ATG13: variants seen among roughly 807,000 people sequenced by gnomAD.
ATG13 encodes the protein autophagy-related protein 13.
In ATG13, 23 loss-of-function variants were observed where a neutral mutation model predicts 65.5. The ratio of observed to expected loss-of-function variants is 0.35; its 90% confidence interval spans 0.25 to 0.50. The LOEUF (loss-of-function observed/expected upper bound fraction) is 0.50, where lower values mean the gene tolerates loss of function less well. Among genes scored for constraint, ATG13 ranks in the 20% least tolerant of loss-of-function variants. The pLI is 0.98. For missense variants in ATG13, 566 were observed against 677.0 expected (o/e 0.84, Z 1.82); for synonymous variants, 252 against 245.2 (o/e 1.03, Z -0.26).
At chr11:46,634,776 A>G (rs1470611262) in intron 2 of ATG13, among the ~76,000 whole-genome samples, 3 of 151,826 alleles carry the variant, frequency 2.0e-5, no homozygotes, top group Non-Finnish European at 4.4e-5. Context: ...ATCTCGGCTC[A>G]CTGCAACCTC....
At chr11:46,619,433 A>G (rs888245941) in intron 1 of ATG13, among the ~76,000 whole-genome samples, 1 of 116,372 alleles carries the variant, frequency 8.6e-6, no homozygotes, top group Non-Finnish European at 1.6e-5. Context: ...TGCCCAGGCT[A>G]GAGTGCGGTG....
At chr11:46,647,493 G>A (rs1166105312) in intron 5 of ATG13, among the ~76,000 whole-genome samples, 1 of 151,920 alleles carries the variant, frequency 6.6e-6, no homozygotes, top group Non-Finnish European at 1.5e-5. Flanking sequence ...GGCCAGGCTG[G>A]TCTCGAACTC....
chr11:46,656,414 T>TA, intron 8 of ATG13, 141 bp downstream of exon 8: 1 of 877,588 alleles, frequency 1.1e-6, no homozygotes, highest in South Asian at 2.2e-5. Context: ...AGAATGCAGG[T>TA]AGGTGGTCCA....
chr11:46,670,719 G>A (rs531521254), intron 18 of ATG13, among the ~76,000 whole-genome samples: 3 of 152,192 alleles, frequency 2.0e-5, no homozygotes, highest in African/African-American at 7.2e-5. Context: ...GGAGGCAGGA[G>A]GATTGCTTGC....
intron 7 of ATG13, among the ~76,000 whole-genome samples, chr11:46,652,163 A>C (rs2059048057): frequency 6.6e-6 from 1 of 151,890 alleles, no homozygotes; most frequent in Non-Finnish European, 1.5e-5. Flanking sequence ...CATGAGAATC[A>C]CTTGAACCCA....
chr11:46,618,792 G>T (rs903589607), intron 1 of ATG13, among the ~76,000 whole-genome samples: 9 of 151,780 alleles, frequency 5.9e-5, no homozygotes, highest in African/African-American at 1.7e-4. Flanking sequence ...CTCAGGAGAA[G>T]TCTTTTAGTT....
In ATG13 at chr11:46,674,368, C is replaced by G. The variant is rs1174101372; in HGVS notation, c.*2036C>G. On this transcript the variant is annotated 3_prime_UTR_variant, in exon 19 of 19. Transcript: ENST00000683050. ...GAGCCCTAGACTGACTCCTGCAGCA[C>G]CCCCGGGACAGGCTGGGACCAGCTG... is the stretch of plus-strand genomic sequence containing the variant. The G allele has an allele frequency of 6.6e-6, 1 of 152,288 alleles. No homozygotes were observed. The highest frequency in any genetic ancestry group is 1.9e-4 in the East Asian group (1 of 5,196). 9.4% of individuals were successfully genotyped at this position (152,288 alleles called of 1,614,324 possible). A position where few individuals can be genotyped will look rare whatever the true frequency, so the allele number is the denominator to read the frequency against.
At chr11:46,637,768 A>G (rs375458739) in intron 2 of ATG13, among the ~76,000 whole-genome samples, 19 of 152,300 alleles carry the variant, frequency 1.2e-4, no homozygotes, top group Admixed American at 8.5e-4. Context: ...GGAGTGGGAA[A>G]GCTTTATAGT....
At chr11:46,638,646 A>G (rs949138247) in intron 2 of ATG13, 2 of 152,086 alleles carry the variant, frequency 1.3e-5, no homozygotes, top group Admixed American at 1.3e-4. Context: ...CTTTAATAAC[A>G]ACATCTTAGA....
intron 11 of ATG13, among the ~76,000 whole-genome samples, chr11:46,663,085 G>A (rs2136961543): frequency 6.6e-6 from 1 of 152,106 alleles, no homozygotes; most frequent in South Asian, 2.1e-4. Context: ...CTAACACGGT[G>A]AAACCCCGTC....
intron 1 of ATG13, among the ~76,000 whole-genome samples, chr11:46,621,343 CT>C (rs1402934637): frequency 6.6e-6 from 1 of 152,070 alleles, no homozygotes; most frequent in South Asian, 2.1e-4. Context: ...GTTGTTGATA[CT>C]TTCTTTTTAC....
chr11:46,648,028 G>T (rs1324048382), intron 5 of ATG13, among the ~76,000 whole-genome samples: 1 of 152,126 alleles, frequency 6.6e-6, no homozygotes, highest in Admixed American at 6.6e-5. Context: ...ATAATGAAAG[G>T]TAAATAGAAT....
intron 5 of ATG13, among the ~76,000 whole-genome samples, chr11:46,647,866 C>T (rs931561426): frequency 5.3e-5 from 8 of 151,836 alleles, no homozygotes; most frequent in African/African-American, 1.4e-4. Context: ...CTGCCTCACA[C>T]TCCAAAAGTG....
intron 1 of ATG13, among the ~76,000 whole-genome samples, chr11:46,622,695 G>A (rs370012245): frequency 9.9e-5 from 15 of 152,148 alleles, no homozygotes; most frequent in African/African-American, 2.7e-4. Flanking sequence ...ACTGATACAC[G>A]TATGTTCTGC....
chr11:46,673,204 G>A lies in ATG13; in HGVS notation c.*872G>A, dbSNP rs145841195. 1,894 of 154,654 alleles carry A rather than the reference G, an allele frequency of 0.012. 14 individuals are homozygous for A. The highest frequency in any genetic ancestry group is 0.019 in the African/African-American group (803 of 41,554). The allele number at this position is 154,654 out of a possible 1,614,324, so 9.6% of individuals were successfully genotyped here. Reference sequence around the variant, plus strand: ...GAGTTGTTTTTCACTTGGAGAAGGCGGAGGGCTCTTCCTGGGACGGAGACC... The same window carrying A: ...GAGTTGTTTTTCACTTGGAGAAGGCAGAGGGCTCTTCCTGGGACGGAGACC... On this transcript the variant is annotated 3_prime_UTR_variant, in exon 19 of 19. Coordinates refer to ENST00000683050, the MANE Select transcript of ATG13 (RefSeq NM_001346311.2).
At chr11:46,641,075 T>TTTTA (rs931524683) in intron 2 of ATG13, among the ~76,000 whole-genome samples, 11 of 152,168 alleles carry the variant, frequency 7.2e-5, no homozygotes, top group Admixed American at 5.2e-4. Context: ...ATCAGTAGAA[T>TTTTA]TTTATTTATT....
At chr11:46,628,082 CAAAA>C (rs561371295) in intron 1 of ATG13, among the ~76,000 whole-genome samples, 3 of 52,370 alleles carry the variant, frequency 5.7e-5, no homozygotes, top group Non-Finnish European at 8.6e-5. Flanking sequence ...GACCTTGTCT[CAAAA>C]AAAAAAAAAA....
intron 2 of ATG13, among the ~76,000 whole-genome samples, chr11:46,634,410 T>TA (rs2053166611): frequency 6.6e-6 from 1 of 150,978 alleles, no homozygotes; most frequent in Non-Finnish European, 1.5e-5. Flanking sequence ...TAGTTTTCTT[T>TA]TTTTTTTTTT....
intron 1 of ATG13, among the ~76,000 whole-genome samples, chr11:46,629,363 T>A (rs1280579268): frequency 6.6e-6 from 1 of 152,180 alleles, no homozygotes; most frequent in Non-Finnish European, 1.5e-5. Flanking sequence ...TATGTGAGAT[T>A]CATCTATTTG....
Sources: gnomAD v4.1 joint callset for allele counts (sites outside exome capture counted in the v4.1 genomes callset) on GRCh38, gnomAD v4.1.1 for gene constraint, MANE v1.5 for transcripts, NCBI Gene and HGNC (gene_info 2026-07-23, HGNC 2026-07-21) for gene names.